CUX2: variants seen among roughly 807,000 people sequenced by gnomAD.
CUX2 encodes cut like homeobox 2, also known as homeobox protein cut-like 2.
CUX2 carries 40 observed loss-of-function variants against 144.8 expected under a neutral mutation model. The ratio of observed to expected loss-of-function variants is 0.28; its 90% CI spans 0.21 to 0.36. CUX2 has a LOEUF of 0.36. Among genes scored for constraint, CUX2 ranks in the 10% least tolerant of loss-of-function variants. The pLI, the probability that CUX2 is intolerant of heterozygous loss-of-function variation, is 1.00. For missense variants in CUX2, 1,615 were observed against 1,994.0 expected (o/e 0.81, Z 3.62); for synonymous variants, 827 against 875.6 (o/e 0.94, Z 0.98).
chr12:111,046,141 C>T (rs1418618282), intron 1 of CUX2, among the ~76,000 whole-genome samples: 1 of 152,202 alleles, frequency 6.6e-6, no homozygotes, highest in African/African-American at 2.4e-5. Context: ...CCCGGCCCAC[C>T]CGGAGCCAGC....
chr12:111,183,247 G>A (rs1879304534), intron 1 of CUX2, among the ~76,000 whole-genome samples: 4 of 152,394 alleles, frequency 2.6e-5, no homozygotes, highest in Admixed American at 2.6e-4. Context: ...GGACTCAGCT[G>A]GGCTCTGGGA....
rs1776762579 is a variant in CUX2, at chr12:111,277,039, C to A, written c.301+13200C>A. 6.6e-6 allele frequency among the ~76,000 whole-genome samples: 1 copy of A among 152,228 alleles called. No individual in the cohort carries two copies. Among genetic ancestry groups the A allele is most frequent in the African/African-American group, 2.4e-5 (1 of 41,466 alleles). ...CAAGAAATTCCAGTTCCTCTGAGCTCTTGGCTCAGGATATCAGGTGGGGGT... is the reference window on the plus strand; with the variant it reads ...CAAGAAATTCCAGTTCCTCTGAGCTATTGGCTCAGGATATCAGGTGGGGGT... On this transcript the variant is annotated intron_variant, in intron 4 of 21. Transcript: ENST00000261726. The surrounding 1 kb of genome is among the most constrained non-coding windows in gnomAD (Gnocchi z 5.0).
At chr12:111,041,845 A>G (rs984568812) in intron 1 of CUX2, among the ~76,000 whole-genome samples, 3 of 152,216 alleles carry the variant, frequency 2.0e-5, no homozygotes, top group African/African-American at 7.2e-5. Context: ...TAGTTCCAGA[A>G]GAGGCTGCAT....
chr12:111,221,995 C>T (rs569096521), intron 3 of CUX2, among the ~76,000 whole-genome samples: 4 of 152,190 alleles, frequency 2.6e-5, no homozygotes, highest in South Asian at 2.1e-4. Flanking sequence ...AATATCCTTG[C>T]GTACAGAGAA....
At chr12:111,046,922 G>T (rs767847330) in intron 1 of CUX2, among the ~76,000 whole-genome samples, 7 of 152,226 alleles carry the variant, frequency 4.6e-5, no homozygotes, top group Non-Finnish European at 7.3e-5. Context: ...CTCCCACAGT[G>T]CTGGGATTGC....
rs1211790675 is a variant in CUX2, at chr12:111,034,234, A to T, written c.57A>T (p.Arg19=). The T allele has an allele frequency of 1.4e-6, 2 of 1,386,690 alleles. No individual in the cohort carries two copies. Among genetic ancestry groups the T allele is most frequent in the Admixed American group, 2.0e-5 (1 of 49,822 alleles). 85.9% of individuals were successfully genotyped at this position (1,386,690 alleles called of 1,614,324 possible). Residue 19 remains arginine (R), a synonymous_variant, in exon 1 of 22, where the codon CGA becomes CGT. Transcript: ENST00000261726. This position sits in a 1 kb window ranked among gnomAD's most constrained non-coding sequence, Gnocchi z 4.2. ...FQYWKRFDLR[R]LQKELNSVAS... ...ATTGGAAGCGATTTGATCTACGGCG[A>T]CTCCAGGTTAGTGCGGGCAGCGCCG...
intron 1 of CUX2, among the ~76,000 whole-genome samples, chr12:111,179,346 A>T (rs1879027092): frequency 6.6e-6 from 1 of 152,168 alleles, no homozygotes; most frequent in Non-Finnish European, 1.5e-5. Flanking sequence ...TTACAAAGAT[A>T]AATCAGGAGA....
At chr12:111,254,500 A>G (rs893537044) in intron 3 of CUX2, among the ~76,000 whole-genome samples, 2 of 152,194 alleles carry the variant, frequency 1.3e-5, no homozygotes, top group African/African-American at 4.8e-5. Context: ...TGACTTACAC[A>G]TGAGGGTTCA....
chr12:111,336,361 A>G (rs1000485015), intron 19 of CUX2, among the ~76,000 whole-genome samples: 9 of 151,616 alleles, frequency 5.9e-5, no homozygotes, highest in Admixed American at 1.3e-4. Flanking sequence ...AAAGTACAGG[A>G]AAAAAAAAGT....
intron 1 of CUX2, among the ~76,000 whole-genome samples, chr12:111,093,174 G>A (rs983838816): frequency 6.6e-6 from 1 of 152,188 alleles, no homozygotes; most frequent in African/African-American, 2.4e-5. Context: ...TAGTGGAGCT[G>A]AGATGCAAAT....
rs759882563 is a variant in CUX2, at chr12:111,320,679, G to C, written c.2670G>C (p.Leu890=). The C allele has an allele frequency of 1.3e-6, 2 of 1,596,964 alleles. No individual in the cohort carries two copies. Among genetic ancestry groups the C allele is most frequent in the South Asian group, 2.2e-5 (2 of 90,856 alleles). The change falls in exon 17 of 22, where the codon CTG becomes CTC. Residue 890 remains leucine, a synonymous_variant. Coordinates refer to ENST00000261726, the MANE Select transcript of CUX2 (RefSeq NM_015267.4). The surrounding 1 kb of genome is among the most constrained non-coding windows in gnomAD (Gnocchi z 8.1). ...CGCTGACCCCCGAGCAGTACGAGCT[G>C]TACATGTACCGTGAGGTAGACACGC... ...VPPLTPEQYE[L]YMYREVDTLE...
intron 4 of CUX2, among the ~76,000 whole-genome samples, chr12:111,285,039 A>G (rs1240563434): frequency 6.6e-6 from 1 of 152,170 alleles, no homozygotes; most frequent in Non-Finnish European, 1.5e-5. Flanking sequence ...CGTCCGGGAA[A>G]GCCCAGGGTA....
At chr12:111,149,827 A>G (rs932137600) in intron 1 of CUX2, among the ~76,000 whole-genome samples, 2 of 152,090 alleles carry the variant, frequency 1.3e-5, no homozygotes, top group African/African-American at 2.4e-5. Flanking sequence ...TTAAGTTTCC[A>G]TTTTGGCCTA....
In CUX2 at chr12:111,322,659, GC is replaced by G; in HGVS notation, c.2926+82del. 6.6e-7 allele frequency: 1 copy of G among 1,524,670 alleles called. No individual in the cohort carries two copies. The highest frequency in any genetic ancestry group is 8.8e-7 in the Non-Finnish European group (1 of 1,132,962). 94.4% of individuals were successfully genotyped at this position (1,524,670 alleles called of 1,614,324 possible). A position where few individuals can be genotyped will look rare whatever the true frequency, so the allele number is the denominator to read the frequency against. On this transcript the variant is annotated intron_variant, in intron 18 of 21. Coordinates refer to ENST00000261726, the MANE Select transcript of CUX2 (RefSeq NM_015267.4). The surrounding 1 kb of genome is among the most constrained non-coding windows in gnomAD (Gnocchi z 4.2). Reference sequence around the variant, plus strand: ...AGTGGCATGTCCGCCTGGCTTTACTGCCCGAGTCTACCTATCTCTCCCTCCC... The same window carrying G: ...AGTGGCATGTCCGCCTGGCTTTACTGCCGAGTCTACCTATCTCTCCCTCCC...
At chr12:111,210,242 CT>C (rs1412785612) in intron 1 of CUX2, among the ~76,000 whole-genome samples, 3 of 152,126 alleles carry the variant, frequency 2.0e-5, no homozygotes, top group Non-Finnish European at 4.4e-5. Context: ...TTAATTTTAG[CT>C]GTGTGTATTA....
chr12:111,194,099 G>A (rs1220324596), intron 1 of CUX2, among the ~76,000 whole-genome samples: 1 of 152,164 alleles, frequency 6.6e-6, no homozygotes, highest in African/African-American at 2.4e-5. Flanking sequence ...CTGGGTAGCA[G>A]TAGCCTTGTC....
intron 1 of CUX2, among the ~76,000 whole-genome samples, chr12:111,043,149 G>A (rs1318953294): frequency 5.3e-5 from 8 of 152,046 alleles, no homozygotes; most frequent in Admixed American, 3.9e-4. Context: ...AGCAAGGAAG[G>A]CAAGGTGCCA....
chr12:111,172,971 T>C (rs1334095314), intron 1 of CUX2, among the ~76,000 whole-genome samples: 2 of 152,212 alleles, frequency 1.3e-5, no homozygotes, highest in Non-Finnish European at 2.9e-5. Flanking sequence ...CGGGGCTTAG[T>C]TCGAGGCAGC....
intron 1 of CUX2, among the ~76,000 whole-genome samples, chr12:111,119,825 AGGCG>A (rs1566234164): frequency 6.6e-6 from 1 of 152,248 alleles, no homozygotes; most frequent in Non-Finnish European, 1.5e-5. Context: ...TGGGGGGCCA[AGGCG>A]GGAGGATCAC....
Sources: allele counts gnomAD v4.1 joint callset (sites outside exome capture counted in the v4.1 genomes callset), GRCh38; gene constraint gnomAD v4.1.1; non-coding constraint Gnocchi (gnomAD v3.1); transcripts MANE v1.5; gene names NCBI Gene and HGNC (gene_info 2026-07-23, HGNC 2026-07-21).